Variants in PRKCD observed in about 807,000 individuals in gnomAD.
The protein encoded by PRKCD is protein kinase C delta type.
A neutral mutation model predicts 82.2 loss-of-function variants in PRKCD; 20 were observed. The observed-to-expected ratio is 0.24, with a 90% CI of 0.17 to 0.35. The LOEUF (loss-of-function observed/expected upper bound fraction) is 0.35. PRKCD is among the 10% of genes least tolerant of loss of function. The probability of loss-of-function intolerance (pLI) is 1.00; values close to 1 mark genes in which losing one functional copy is unlikely to be tolerated. For missense variants in PRKCD, 607 were observed against 899.0 expected (o/e 0.68, Z 4.15); for synonymous variants, 317 against 337.0 (o/e 0.94, Z 0.65).
chr3:53,187,216 C>T, intron 14 of PRKCD, 124 bp from the exon 15 acceptor site: 1 of 1,073,666 alleles, frequency 9.3e-7, no homozygotes. Context: ...CTTGATCATG[C>T]TCAGGTGGTC....
chr3:53,188,904 C>A, intron 16 of PRKCD, 46 bp downstream of exon 16: 1 of 1,607,908 alleles, frequency 6.2e-7, no homozygotes, highest in Non-Finnish European at 8.5e-7. Flanking sequence ...GGCACCTTGC[C>A]TCCCCACGGT....
At chr3:53,188,289 C>T (rs1218690664) in intron 15 of PRKCD, among the ~76,000 whole-genome samples, 2 of 149,488 alleles carry the variant, frequency 1.3e-5, no homozygotes, top group East Asian at 2.0e-4. Context: ...CATGATTGAG[C>T]TCAGTGGAAG....
rs1553666410 is a variant in PRKCD at position 53,178,484 on chromosome 3, A to G, written c.62A>G (p.Asp21Gly). ...GAGCTGGGCTCCCTGCAGGCCGAGG[A>G]CGAGGCGAACCAGCCCTTCTGTGCC... ...SYELGSLQAEDEANQPFCAVK... is the reference protein window; with the variant it reads ...SYELGSLQAEGEANQPFCAVK... Residue 21 changes from aspartate to glycine, a missense_variant, in exon 3 of 19, where the codon GAC becomes GGC. Around this residue, in one of 5 missense-constraint regions of PRKCD, gnomAD observed 161 missense variants for 227.0 expected, o/e 0.71. Transcript: ENST00000330452. 1 of 1,613,182 alleles carries G rather than the reference A, an allele frequency of 6.2e-7. No individual in the cohort carries two copies. The highest frequency in any genetic ancestry group is 8.5e-7 in the Non-Finnish European group (1 of 1,179,914).
intron 16 of PRKCD, 51 bp downstream of exon 16, chr3:53,188,909 C>A: frequency 1.2e-6 from 2 of 1,605,028 alleles, no homozygotes; most frequent in East Asian, 2.2e-5. Flanking sequence ...CTTGCCTCCC[C>A]ACGGTGGGCC....
intron 6 of PRKCD, 46 bp from the exon 7 acceptor site, chr3:53,181,655 G>A (rs782414525): frequency 3.1e-5 from 50 of 1,612,542 alleles, no homozygotes; most frequent in Non-Finnish European, 4.0e-5. Flanking sequence ...AGTGGGGGCC[G>A]ATCCCGGTCC....
In PRKCD at chr3:53,186,356, G is replaced by C. The variant is rs1553669090; in HGVS notation, c.1260+16G>C. ...CCAGACCAAGGTGCCCGGGCCTCCT[G>C]CCGTCACCACCCCATGCCACAGCCA... On this transcript the variant is annotated intron_variant, in intron 13 of 18. Coordinates refer to ENST00000330452, the MANE Select transcript of PRKCD (RefSeq NM_006254.4). 2 of 1,613,472 alleles carry C rather than the reference G, an allele frequency of 1.2e-6. No homozygotes were observed. Among genetic ancestry groups the C allele is most frequent in the Non-Finnish European group, 8.5e-7 (1 of 1,179,762 alleles).
intron 18 of PRKCD, among the ~76,000 whole-genome samples, chr3:53,190,563 G>A (rs1553670610): frequency 6.6e-6 from 1 of 152,192 alleles, no homozygotes; most frequent in Non-Finnish European, 1.5e-5. Flanking sequence ...GGGACAGCTG[G>A]GAGGCATTCC....
At chr3:53,187,577 C>T (rs1329222469) in intron 15 of PRKCD, among the ~76,000 whole-genome samples, 175 bp downstream of exon 15, 1 of 152,184 alleles carries the variant, frequency 6.6e-6, no homozygotes, top group Non-Finnish European at 1.5e-5. Context: ...CCTGTGGCCA[C>T]CATTTGAGGC....
chr3:53,192,332 C>G lies in PRKCD; in HGVS notation c.*66C>G. On this transcript the variant is annotated 3_prime_UTR_variant, in exon 19 of 19. Transcript: ENST00000330452. ...ACCTGCCCGCTCCCCACGATAAGCA[C>G]CAGTGGGACTGTGGTGACTTCTGCT... 6.4e-7 allele frequency: 1 copy of G among 1,569,632 alleles called. No individual in the cohort carries two copies.
chr3:53,174,593 T>C (rs1703154535), intron 2 of PRKCD, among the ~76,000 whole-genome samples: 1 of 152,194 alleles, frequency 6.6e-6, no homozygotes, highest in Non-Finnish European at 1.5e-5. Context: ...AGACTCTGAC[T>C]CTGCTGTGCA....
At chr3:53,176,519 C>T (rs1703218330) in intron 2 of PRKCD, among the ~76,000 whole-genome samples, 1 of 152,268 alleles carries the variant, frequency 6.6e-6, no homozygotes, top group Admixed American at 6.5e-5. Flanking sequence ...GAGTGTGCCC[C>T]TGTGTGCTGG....
intron 2 of PRKCD, among the ~76,000 whole-genome samples, chr3:53,175,028 A>G (rs1703167293): frequency 1.3e-5 from 2 of 152,162 alleles, no homozygotes; most frequent in African/African-American, 4.8e-5. Context: ...TCCACCCTCC[A>G]TGCAGTCCTG....
At chr3:53,162,953 C>T (rs1702723079) in intron 1 of PRKCD, among the ~76,000 whole-genome samples, 1 of 152,032 alleles carries the variant, frequency 6.6e-6, no homozygotes, top group African/African-American at 2.4e-5. Flanking sequence ...GTGACCAGGC[C>T]CACCTGGTCA....
intron 7 of PRKCD, 36 bp downstream of exon 7, chr3:53,181,768 C>T (rs1553667613): frequency 6.2e-7 from 1 of 1,614,060 alleles, no homozygotes; most frequent in Non-Finnish European, 8.5e-7. Context: ...TACGTATGTA[C>T]CCATGTGTGC....
intron 2 of PRKCD, among the ~76,000 whole-genome samples, chr3:53,172,873 A>T (rs1703086276): frequency 6.6e-6 from 1 of 152,216 alleles, no homozygotes; most frequent in Non-Finnish European, 1.5e-5. Flanking sequence ...ACCAACAGGC[A>T]TCATTCTGTG....
chr3:53,164,790 A>AG (rs1456165753), intron 1 of PRKCD, among the ~76,000 whole-genome samples: 1 of 152,072 alleles, frequency 6.6e-6, no homozygotes, highest in East Asian at 1.9e-4. Context: ...TAAACCTGCA[A>AG]GGCAACCTCC....
At chr3:53,188,652 A>G (rs1197193068) in intron 15 of PRKCD, 68 bp from the exon 16 acceptor site, 33 of 1,591,332 alleles carry the variant, frequency 2.1e-5, no homozygotes, top group East Asian at 6.7e-5. Context: ...GAAAATTAGG[A>G]CATGGGGGGC....
intron 2 of PRKCD, 131 bp from the exon 3 acceptor site, chr3:53,178,273 G>C: frequency 1.8e-6 from 1 of 552,634 alleles, no homozygotes. Context: ...ACTGAGACTA[G>C]TGTGTGTGTG....
chr3:53,167,060 G>A (rs1702858644), intron 2 of PRKCD, among the ~76,000 whole-genome samples: 2 of 152,358 alleles, frequency 1.3e-5, no homozygotes, highest in South Asian at 4.1e-4. Context: ...TAGGGACTGA[G>A]AGGTTGGCAG....
Sources: gnomAD v4.1 joint callset for allele counts (sites outside exome capture counted in the v4.1 genomes callset) on GRCh38, gnomAD v4.1.1 for gene constraint, gnomAD v4.1.1 regional missense constraint, MANE v1.5 for transcripts, NCBI Gene and HGNC (gene_info 2026-07-23, HGNC 2026-07-21) for gene names.